Variants in CTNNA3 observed in about 807,000 individuals in gnomAD.
CTNNA3 encodes catenin alpha 3, also known as catenin alpha-3.
Under a neutral mutation model 95.7 loss-of-function variants are expected in CTNNA3, and 76 were observed. The ratio of observed to expected loss-of-function variants is 0.79; its 90% confidence interval spans 0.66 to 0.96. The LOEUF (loss-of-function observed/expected upper bound fraction) is 0.96, where lower values mean the gene tolerates loss of function less well. Ranked by LOEUF, CTNNA3 falls within the 40% of genes least tolerant of loss-of-function variation. The probability of loss-of-function intolerance (pLI) is 0.00; values close to 1 mark genes in which losing one functional copy is unlikely to be tolerated. For synonymous variants in CTNNA3, 431 were observed against 374.4 expected (o/e 1.15, Z -1.74); for missense variants, 1,191 against 1,089.8 (o/e 1.09, Z -1.31).
chr10:66,481,072 A>G (rs964686354), intron 11 of CTNNA3, among the ~76,000 whole-genome samples: 14 of 152,194 alleles, frequency 9.2e-5, no homozygotes, highest in African/African-American at 3.4e-4. Context: ...CAAAATTAGA[A>G]GAGAACATAG....
At chr10:67,644,480 CATG>C (rs1330731288) in intron 2 of CTNNA3, among the ~76,000 whole-genome samples, 1 of 149,882 alleles carries the variant, frequency 6.7e-6, no homozygotes, top group Non-Finnish European at 1.5e-5. Flanking sequence ...AGACACTTAA[CATG>C]ATGTTATCCT....
intron 5 of CTNNA3, among the ~76,000 whole-genome samples, chr10:67,258,583 G>A (rs1866455255): frequency 6.6e-6 from 1 of 151,958 alleles, no homozygotes; most frequent in African/African-American, 2.4e-5. Context: ...TTATTTTATT[G>A]TAGTAAGAAC....
chr10:66,258,235 C>G (rs1235560045), intron 13 of CTNNA3, among the ~76,000 whole-genome samples: 1 of 152,166 alleles, frequency 6.6e-6, no homozygotes, highest in Non-Finnish European at 1.5e-5. Context: ...AACTTGCTGA[C>G]TGTGGATACA....
intron 17 of CTNNA3, among the ~76,000 whole-genome samples, chr10:65,952,445 C>T (rs943078871): frequency 9.9e-5 from 15 of 151,922 alleles, no homozygotes; most frequent in African/African-American, 3.1e-4. Context: ...CCTCTTCTTG[C>T]TTCTCCTCCT....
intron 11 of CTNNA3, among the ~76,000 whole-genome samples, chr10:66,442,825 A>C (rs1589256150): frequency 1.3e-5 from 2 of 152,266 alleles, no homozygotes; most frequent in Admixed American, 6.5e-5. Flanking sequence ...CAGTGGGTGC[A>C]GTGCACCATG....
At chr10:66,035,274 G>T (rs921102758) in intron 15 of CTNNA3, among the ~76,000 whole-genome samples, 1 of 152,108 alleles carries the variant, frequency 6.6e-6, no homozygotes, top group African/African-American at 2.4e-5. Context: ...AATGAAATGA[G>T]CATTCCAGGG....
chr10:66,855,259 G>A (rs368148041), intron 7 of CTNNA3, among the ~76,000 whole-genome samples: 12 of 151,866 alleles, frequency 7.9e-5, no homozygotes, highest in East Asian at 5.8e-4. Context: ...TGTAAATCGT[G>A]GCATAACTAG....
chr10:66,601,728 A>T (rs1426313830), intron 10 of CTNNA3, among the ~76,000 whole-genome samples: 1 of 151,868 alleles, frequency 6.6e-6, no homozygotes, highest in Non-Finnish European at 1.5e-5. Flanking sequence ...AGAAAAAAAT[A>T]GAAAGTATAG....
At chr10:66,374,977 G>A (rs922497308) in intron 12 of CTNNA3, among the ~76,000 whole-genome samples, 6 of 152,016 alleles carry the variant, frequency 3.9e-5, no homozygotes, top group Non-Finnish European at 7.4e-5. Flanking sequence ...ACTTGTCTGG[G>A]ATGATGTAAT....
intron 1 of CTNNA3, among the ~76,000 whole-genome samples, chr10:67,710,159 A>G (rs372094589): frequency 3.3e-5 from 5 of 152,158 alleles, no homozygotes; most frequent in African/African-American, 1.2e-4. Flanking sequence ...GTAGGAAGGG[A>G]GAGCGATAAA....
intron 7 of CTNNA3, among the ~76,000 whole-genome samples, chr10:66,956,344 G>A (rs959327926): frequency 2.6e-5 from 4 of 151,822 alleles, no homozygotes; most frequent in African/African-American, 9.7e-5. Context: ...TCTTCCCAAG[G>A]GAAGTGGGAG....
At chr10:66,998,162 T>C (rs1453487658) in intron 7 of CTNNA3, among the ~76,000 whole-genome samples, 6 of 152,220 alleles carry the variant, frequency 3.9e-5, no homozygotes, top group Admixed American at 6.5e-5. Flanking sequence ...CACGGCATTT[T>C]AGCACAGCCT....
At chr10:66,220,886 G>C (rs1023648504) in intron 13 of CTNNA3, among the ~76,000 whole-genome samples, 2 of 152,136 alleles carry the variant, frequency 1.3e-5, no homozygotes, top group African/African-American at 4.8e-5. Flanking sequence ...TACAGGATGG[G>C]GGGTGAGGTG....
chr10:66,300,065 T>TC (rs2091839222), intron 12 of CTNNA3, among the ~76,000 whole-genome samples: 1 of 151,866 alleles, frequency 6.6e-6, no homozygotes, highest in African/African-American at 2.4e-5. Context: ...GCTAATTTTT[T>TC]ATATTTTTAG....
chr10:65,942,843 T>C (rs948433581), intron 17 of CTNNA3, among the ~76,000 whole-genome samples: 14 of 152,176 alleles, frequency 9.2e-5, no homozygotes, highest in Admixed American at 3.3e-4. Context: ...TTCCACAACA[T>C]ACTCATGGTA....
At chr10:67,405,467 A>G (rs1845104058) in intron 5 of CTNNA3, among the ~76,000 whole-genome samples, 1 of 152,232 alleles carries the variant, frequency 6.6e-6, no homozygotes, top group Admixed American at 6.5e-5. Context: ...ACATAATGAT[A>G]AAGGGTTCAA....
At chr10:66,265,355 G>A (rs891585075) in intron 13 of CTNNA3, among the ~76,000 whole-genome samples, 8 of 151,904 alleles carry the variant, frequency 5.3e-5, no homozygotes, top group African/African-American at 9.7e-5. Flanking sequence ...AGTACTGCTT[G>A]ATTAACATAC....
At chr10:67,669,421 G>C (rs780018489) in intron 1 of CTNNA3, among the ~76,000 whole-genome samples, 52 of 152,082 alleles carry the variant, frequency 3.4e-4, no homozygotes, top group Middle Eastern at 6.3e-3. Flanking sequence ...GAAGGAATGA[G>C]GCAGCCACAT....
At chr10:66,882,947 A>T (rs1564742638) in intron 7 of CTNNA3, among the ~76,000 whole-genome samples, 1 of 152,064 alleles carries the variant, frequency 6.6e-6, no homozygotes, top group Admixed American at 6.6e-5. Flanking sequence ...GAGGTTTTTA[A>T]AAACCCCAGA....
Sources: gnomAD v4.1 joint callset for allele counts (sites outside exome capture counted in the v4.1 genomes callset) on GRCh38, gnomAD v4.1.1 for gene constraint, MANE v1.5 for transcripts, NCBI Gene and HGNC (gene_info 2026-07-23, HGNC 2026-07-21) for gene names.